SLC25A37: variants seen among roughly 807,000 people sequenced by gnomAD.
SLC25A37 encodes solute carrier family 25 member 37, also known as mitoferrin-1.
SLC25A37 carries 17 observed loss-of-function variants against 31.0 expected under a neutral mutation model. The ratio of observed to expected loss-of-function variants is 0.55; its 90% CI spans 0.38 to 0.82. The LOEUF (loss-of-function observed/expected upper bound fraction) is 0.82, where lower values mean the gene tolerates loss of function less well. Among genes scored for constraint, SLC25A37 ranks in the 40% least tolerant of loss-of-function variants. SLC25A37 has a pLI of 0.00. For synonymous variants in SLC25A37, 222 were observed against 193.0 expected (o/e 1.15, Z -1.24); for missense variants, 404 against 465.8 (o/e 0.87, Z 1.22).
chr8:23,566,488 ACACACGCACG>A (rs888383318), intron 2 of SLC25A37, 152 bp downstream of exon 2: 1 of 1,234,794 alleles, frequency 8.1e-7, no homozygotes, highest in Non-Finnish European at 1.0e-6. Context: ...GCACACCCAG[ACACACGCACG>A]CACACACACG....
intron 1 of SLC25A37, among the ~76,000 whole-genome samples, chr8:23,558,722 G>A (rs903242047): frequency 2.0e-5 from 3 of 152,200 alleles, no homozygotes; most frequent in Non-Finnish European, 4.4e-5. Context: ...TCTGGAGCTG[G>A]AGGGGACTTG....
At chr8:23,533,917 C>A (rs1801711819) in intron 1 of SLC25A37, among the ~76,000 whole-genome samples, 1 of 149,244 alleles carries the variant, frequency 6.7e-6, no homozygotes, top group Non-Finnish European at 1.5e-5. Context: ...TATATCCAAT[C>A]TCTTTCTCTT....
At chr8:23,538,056 A>G (rs1288334866) in intron 1 of SLC25A37, among the ~76,000 whole-genome samples, 1 of 138,042 alleles carries the variant, frequency 7.2e-6, no homozygotes, top group Non-Finnish European at 1.6e-5. Context: ...TTTAAAAAAG[A>G]TGAAAAAAAA....
chr8:23,568,948 GA>G (rs36012601), intron 3 of SLC25A37: 86,040 of 120,452 alleles, frequency 0.71, 29,356 homozygotes, highest in Non-Finnish European at 0.75. Flanking sequence ...ATCTCAAAAG[GA>G]AAAAAAAAAA....
intron 1 of SLC25A37, among the ~76,000 whole-genome samples, chr8:23,559,296 C>T (rs192331821): frequency 6.6e-6 from 1 of 152,166 alleles, no homozygotes; most frequent in East Asian, 1.9e-4. Flanking sequence ...GGAACTGAAA[C>T]CTGGACAGGA....
chr8:23,540,652 T>C (rs1233326513), intron 1 of SLC25A37, among the ~76,000 whole-genome samples: 1 of 152,192 alleles, frequency 6.6e-6, no homozygotes, highest in Non-Finnish European at 1.5e-5. Flanking sequence ...GAAGTTGCAC[T>C]CAATATAGTG....
At chr8:23,561,825 G>T (rs1247306014) in intron 1 of SLC25A37, among the ~76,000 whole-genome samples, 1 of 152,248 alleles carries the variant, frequency 6.6e-6, no homozygotes, top group Admixed American at 6.5e-5. Flanking sequence ...GGTGTCTATG[G>T]ATGGGTATTT....
chr8:23,535,164 C>G (rs1459637670), intron 1 of SLC25A37, among the ~76,000 whole-genome samples: 13 of 152,208 alleles, frequency 8.5e-5, no homozygotes, highest in Admixed American at 7.9e-4. Flanking sequence ...TCTTCCAACC[C>G]TGGCTTGCCC....
Position 23,537,195 on chromosome 8 carries a change from C to CAAAA in SLC25A37, c.210+7999_210+8002dup, listed in dbSNP as rs71550712. On this transcript the variant is annotated intron_variant, in intron 1 of 3. Coordinates refer to ENST00000519973, the MANE Select transcript of SLC25A37 (RefSeq NM_016612.4). The stretch of plus-strand genomic sequence containing the variant: ...TGGGCAACAGAGCAAGACCCTGTCT[C>CAAAA]AAAAAAAAAAAAAAAAAAATGAGAT... Among the ~76,000 whole-genome samples, 129 of 117,182 alleles carry CAAAA rather than the reference C, an allele frequency of 1.1e-3. 1 individual carries two copies. The highest frequency in any genetic ancestry group is 4.6e-3 in the Middle Eastern group (1 of 218). The allele number at this position is 117,182 out of a possible 152,430, so 76.9% of individuals were successfully genotyped here. A position where few individuals can be genotyped will look rare whatever the true frequency, so the allele number is the denominator to read the frequency against.
chr8:23,554,265 A>G (rs2942204), intron 1 of SLC25A37, among the ~76,000 whole-genome samples: 70,985 of 152,016 alleles, frequency 0.47, 17,003 homozygotes, highest in African/African-American at 0.58. Context: ...TCAGGGAAGC[A>G]AGTTGATTGA....
In SLC25A37 at chr8:23,571,724, G is replaced by A; in HGVS notation, c.886G>A (p.Ala296Thr). The change falls in exon 4 of 4, where the codon GCC (alanine) becomes ACC (threonine). Residue 296 changes from alanine to threonine, a missense_variant. Physicochemically the swap from Ala to Thr is moderately conservative, Grantham distance 58. Around this residue, in one of 3 missense-constraint regions of SLC25A37, gnomAD observed 243 missense variants for 284.4 expected, o/e 0.85. Transcript: ENST00000519973. The part of the protein sequence containing the change: ...FRTVYQLNGL[A>T]GYFKGIQARV... ...GACGGTGTACCAGCTCAACGGCCTG[G>A]CCGGCTACTTCAAAGGCATCCAGGC... The A allele has an allele frequency of 6.2e-7, 1 of 1,614,046 alleles. No individual in the cohort carries two copies.
At position 23,575,348 on chromosome 8, in the gene SLC25A37, G is replaced by A. The variant is rs1411308699; in HGVS notation, c.*3493G>A. 1 of 152,164 alleles carries A rather than the reference G, an allele frequency of 6.6e-6. No homozygotes were observed. The highest frequency in any genetic ancestry group is 1.5e-5 in the Non-Finnish European group (1 of 68,042). The allele number at this position is 152,164 out of a possible 1,614,324, so 9.4% of individuals were successfully genotyped here. On this transcript the variant is annotated 3_prime_UTR_variant, in exon 4 of 4. Coordinates refer to ENST00000519973, the MANE Select transcript of SLC25A37 (RefSeq NM_016612.4). ...TAACTATTGTTTCTGCCTCTCAATT[G>A]TTGCCAGCTCTTTGAAGAAGGGGAG...
In SLC25A37 at chr8:23,570,145, A is replaced by G. The variant is rs141396489; in HGVS notation, c.497-1190A>G. Among the ~76,000 whole-genome samples the G allele has an allele frequency of 1.8e-4, 28 of 152,148 alleles. No homozygotes were observed. The East Asian group carries it at 5.4e-3, about 29-fold the overall frequency. On this transcript the variant is annotated intron_variant, in intron 3 of 3. Coordinates refer to ENST00000519973, the MANE Select transcript of SLC25A37 (RefSeq NM_016612.4). ...TTGACCCGATGGGCAGGTGAAGAAA[A>G]TCACCTTCTCCATTCCCCTTGATTT...
At chr8:23,564,792 C>G (rs1225462647) in intron 1 of SLC25A37, among the ~76,000 whole-genome samples, 3 of 152,114 alleles carry the variant, frequency 2.0e-5, no homozygotes. Flanking sequence ...GAGAGGTTAT[C>G]TGTCTAACTC....
Position 23,566,188 on chromosome 8 carries a change from C to T in SLC25A37, c.291C>T (p.Thr97=), listed in dbSNP as rs773081183. 48 of 1,605,976 alleles carry T rather than the reference C, an allele frequency of 3.0e-5. No homozygotes were observed. In the East Asian group the frequency reaches 4.3e-4, roughly 14 times the overall value. The change falls in exon 2 of 4, where the codon ACC becomes ACT. Residue 97 remains threonine (T), a synonymous_variant. Transcript: ENST00000519973. ...IYGALKKIMR[T]EGFWRPLRGV... is the part of the protein sequence containing the mutation. ...GAGCCCTCAAGAAAATCATGCGGAC[C>T]GAAGGCTTCTGGAGGCCCTTGCGAG...
intron 1 of SLC25A37, among the ~76,000 whole-genome samples, chr8:23,535,446 C>T (rs1183511115): frequency 6.6e-6 from 1 of 152,172 alleles, no homozygotes; most frequent in Non-Finnish European, 1.5e-5. Context: ...TGCCTTCTAC[C>T]CCCACTATAA....
At chr8:23,546,921 G>C (rs1802084025) in intron 1 of SLC25A37, among the ~76,000 whole-genome samples, 1 of 152,044 alleles carries the variant, frequency 6.6e-6, no homozygotes, top group African/African-American at 2.4e-5. Context: ...ATGTTAGGTG[G>C]TGGCAGGTTC....
At chr8:23,539,446 G>C (rs150653040) in intron 1 of SLC25A37, among the ~76,000 whole-genome samples, 6 of 152,254 alleles carry the variant, frequency 3.9e-5, no homozygotes, top group African/African-American at 1.2e-4. Context: ...TTTATTCCCT[G>C]GCATGACCAG....
At chr8:23,549,569 G>A (rs527991067) in intron 1 of SLC25A37, among the ~76,000 whole-genome samples, 1 of 152,320 alleles carries the variant, frequency 6.6e-6, no homozygotes, top group East Asian at 1.9e-4. Flanking sequence ...GAGACCCTTA[G>A]AACGGCAAGC....
Sources: allele counts gnomAD v4.1 joint callset (sites outside exome capture counted in the v4.1 genomes callset), GRCh38; gene constraint gnomAD v4.1.1; regional missense constraint gnomAD v4.1.1; transcripts MANE v1.5; gene names NCBI Gene and HGNC (gene_info 2026-07-23, HGNC 2026-07-21).